AFF3: variants seen among roughly 807,000 people sequenced by gnomAD.
AFF3 encodes the protein ALF transcription elongation factor 3, also known as AF4/FMR2 family member 3.
A neutral mutation model predicts 129.7 loss-of-function variants in AFF3; 32 were observed. The observed-to-expected ratio is 0.25, with a 90% CI of 0.19 to 0.33. AFF3 has a LOEUF of 0.33. Among genes scored for constraint, AFF3 ranks in the 10% least tolerant of loss-of-function variants. The pLI, the probability that AFF3 is intolerant of heterozygous loss-of-function variation, is 1.00. For missense variants in AFF3, 1,373 were observed against 1,592.0 expected (o/e 0.86, Z 2.34); for synonymous variants, 644 against 635.4 (o/e 1.01, Z -0.20).
chr2:99,910,039 A>G (rs1695006801), intron 7 of AFF3, among the ~76,000 whole-genome samples: 1 of 152,194 alleles, frequency 6.6e-6, no homozygotes, highest in South Asian at 2.1e-4. Flanking sequence ...ATAAATAAAT[A>G]ACCTTCTTAT....
intron 8 of AFF3, among the ~76,000 whole-genome samples, chr2:99,807,931 G>T (rs1028716824): frequency 1.3e-5 from 2 of 152,136 alleles, no homozygotes; most frequent in African/African-American, 4.8e-5. Context: ...CCCTTCCCAG[G>T]CTGTGAGTAT....
intron 7 of AFF3, among the ~76,000 whole-genome samples, chr2:99,955,228 C>T (rs941061607): frequency 6.6e-6 from 1 of 152,098 alleles, no homozygotes; most frequent in Admixed American, 6.5e-5. Context: ...ACATTCATTA[C>T]AGAAACTATC....
intron 8 of AFF3, among the ~76,000 whole-genome samples, chr2:99,810,411 T>A (rs998201010): frequency 5.3e-5 from 8 of 152,240 alleles, no homozygotes; most frequent in Non-Finnish European, 1.2e-4. Flanking sequence ...CAAGTATTTA[T>A]GGAATGCCCA....
At chr2:99,803,311 T>C (rs1306041167) in intron 8 of AFF3, among the ~76,000 whole-genome samples, 1 of 152,206 alleles carries the variant, frequency 6.6e-6, no homozygotes, top group Non-Finnish European at 1.5e-5. Flanking sequence ...ATCTTTTTGA[T>C]GTGCTGTTGG....
intron 4 of AFF3, among the ~76,000 whole-genome samples, chr2:100,037,613 T>C (rs1685043182): frequency 1.5e-5 from 1 of 68,730 alleles, no homozygotes; most frequent in Non-Finnish European, 2.5e-5. Flanking sequence ...TATAAATATA[T>C]ATTTATATTT....
intron 11 of AFF3, among the ~76,000 whole-genome samples, chr2:99,715,241 T>C (rs917710428): frequency 6.6e-6 from 1 of 152,268 alleles, no homozygotes; most frequent in African/African-American, 2.4e-5. Context: ...TAAAACTTTC[T>C]ATTAATTTTT....
At chr2:100,128,432 C>CA (rs1319964369) in intron 2 of AFF3, among the ~76,000 whole-genome samples, 3 of 152,162 alleles carry the variant, frequency 2.0e-5, no homozygotes, top group African/African-American at 7.2e-5. Context: ...GAAACCTCTC[C>CA]AGAGGCCTCT....
intron 20 of AFF3, among the ~76,000 whole-genome samples, chr2:99,563,810 C>CA (rs34843347): frequency 0.59 from 44,919 of 76,418 alleles, 12,341 homozygotes; most frequent in South Asian, 0.77. Flanking sequence ...AATTTAGTCT[C>CA]AAAAAAAAAA....
At chr2:99,826,015 A>AT (rs58126893) in intron 8 of AFF3, among the ~76,000 whole-genome samples, 2 of 151,690 alleles carry the variant, frequency 1.3e-5, no homozygotes, top group African/African-American at 2.4e-5. Context: ...CACTTAAAAA[A>AT]TTTTTTTTTA....
intron 11 of AFF3, among the ~76,000 whole-genome samples, chr2:99,721,051 T>C (rs1261813699): frequency 6.6e-6 from 1 of 152,244 alleles, no homozygotes; most frequent in East Asian, 1.9e-4. Flanking sequence ...CACATATTTA[T>C]TATTTCCTAT....
At chr2:100,077,535 A>T (rs1688677563) in intron 4 of AFF3, among the ~76,000 whole-genome samples, 1 of 152,132 alleles carries the variant, frequency 6.6e-6, no homozygotes, top group Non-Finnish European at 1.5e-5. Flanking sequence ...TGGACTTCTG[A>T]TTTTCAGCAC....
intron 20 of AFF3, among the ~76,000 whole-genome samples, chr2:99,562,008 G>T (rs1675519704): frequency 1.3e-5 from 2 of 152,176 alleles, no homozygotes; most frequent in South Asian, 4.1e-4. Flanking sequence ...CTCCCAGCCT[G>T]CATGGTTTCA....
intron 7 of AFF3, among the ~76,000 whole-genome samples, chr2:99,922,999 C>T (rs146050248): frequency 1.3e-5 from 2 of 152,256 alleles, no homozygotes; most frequent in African/African-American, 4.8e-5. Context: ...TAGTGCAGCA[C>T]CCGGAGTAGC....
chr2:99,955,335 T>C (rs903852764), intron 7 of AFF3, among the ~76,000 whole-genome samples: 18 of 152,200 alleles, frequency 1.2e-4, no homozygotes, highest in African/African-American at 4.1e-4. Context: ...GACATAATTA[T>C]TCCAAGGCAG....
At chr2:99,771,891 T>C (rs374752660) in intron 8 of AFF3, among the ~76,000 whole-genome samples, 4 of 152,230 alleles carry the variant, frequency 2.6e-5, no homozygotes, top group African/African-American at 9.7e-5. Context: ...TCTATGTTCC[T>C]TCAGTCTGCA....
At chr2:100,036,623 A>G (rs542217802) in intron 4 of AFF3, among the ~76,000 whole-genome samples, 67 of 152,204 alleles carry the variant, frequency 4.4e-4, no homozygotes, top group Middle Eastern at 3.4e-3. Flanking sequence ...AATCATATAC[A>G]CATAACCACA....
chr2:99,564,955 G>A (rs532389268), intron 20 of AFF3, among the ~76,000 whole-genome samples: 10 of 152,262 alleles, frequency 6.6e-5, no homozygotes, highest in African/African-American at 2.4e-4. Flanking sequence ...TGGAGGATAA[G>A]TGTTTGCCAT....
chr2:100,029,944 G>A (rs1346966994), intron 4 of AFF3, among the ~76,000 whole-genome samples: 1 of 152,060 alleles, frequency 6.6e-6, no homozygotes, highest in Non-Finnish European at 1.5e-5. Context: ...GTATGTGCCT[G>A]TAGTCCCAGC....
chr2:99,957,313 G>A (rs1334584812), intron 7 of AFF3, among the ~76,000 whole-genome samples: 5 of 152,128 alleles, frequency 3.3e-5, no homozygotes, highest in Admixed American at 1.3e-4. Context: ...CACTCTTACT[G>A]GAAAGGAAGT....
Sources: allele counts gnomAD v4.1 joint callset (sites outside exome capture counted in the v4.1 genomes callset), GRCh38; gene constraint gnomAD v4.1.1; transcripts MANE v1.5; gene names NCBI Gene and HGNC (gene_info 2026-07-23, HGNC 2026-07-21).